The following PLXNA2 variants were observed in gnomAD, a reference collection of about 807,000 sequenced individuals.
PLXNA2 encodes the protein plexin-A2.
Under a neutral mutation model 193.5 loss-of-function variants are expected in PLXNA2, and 91 were observed. That is an observed-to-expected ratio of 0.47 (90% CI 0.40 to 0.56). The LOEUF (loss-of-function observed/expected upper bound fraction) is 0.56, where lower values mean the gene tolerates loss of function less well. Among genes scored for constraint, PLXNA2 ranks in the 20% least tolerant of loss-of-function variants. PLXNA2 has a pLI of 0.00. For synonymous variants in PLXNA2, 997 were observed against 1,027.3 expected, an observed-to-expected ratio of 0.97 and a Z score of 0.56; for missense variants, 1,995 against 2,503.2, an observed-to-expected ratio of 0.80 and a Z score of 4.33.
At chr1:208,085,020 G>A (rs1346659579) in intron 9 of PLXNA2, among the ~76,000 whole-genome samples, 2 of 151,306 alleles carry the variant, frequency 1.3e-5, no homozygotes, top group Admixed American at 6.6e-5. Flanking sequence ...TCCCAGCCCC[G>A]ACTGAGCTAG....
At position 208,044,776 on chromosome 1, in the gene PLXNA2, G is replaced by T. The variant is rs776615176; in HGVS notation, c.3640-34C>A. The T allele has an allele frequency of 6.5e-7, 1 of 1,530,490 alleles. No homozygotes were observed. The highest frequency in any genetic ancestry group is 9.0e-7 in the Non-Finnish European group (1 of 1,110,776). The allele number at this position is 1,530,490 out of a possible 1,614,324, so 94.8% of individuals were successfully genotyped here. A position where few individuals can be genotyped will look rare whatever the true frequency, so the allele number is the denominator to read the frequency against. On this transcript the variant is annotated intron_variant, in intron 19 of 31. Coordinates refer to ENST00000367033, the MANE Select transcript of PLXNA2 (RefSeq NM_025179.4). The surrounding 1 kb of genome is among the most constrained non-coding windows in gnomAD (Gnocchi z 4.9). Reference sequence around the variant, plus strand: ...TGTACACATACAGACGCACATGGATGCACACAGGTGTAGAGCCCGGGCATG... The same window carrying T: ...TGTACACATACAGACGCACATGGATTCACACAGGTGTAGAGCCCGGGCATG...
intron 3 of PLXNA2, among the ~76,000 whole-genome samples, chr1:208,158,142 C>G (rs150405481): frequency 3.0e-3 from 452 of 152,248 alleles, no homozygotes; most frequent in African/African-American, 0.01. Flanking sequence ...CTCTTCTTCC[C>G]CGTTGAAAGA....
chr1:208,189,522 A>T (rs1670110330), intron 3 of PLXNA2, among the ~76,000 whole-genome samples: 1 of 151,286 alleles, frequency 6.6e-6, no homozygotes, highest in Non-Finnish European at 1.5e-5. Context: ...AAAAAAAAAA[A>T]GCGAACCTGG....
At chr1:208,098,448 T>TCACA (rs1666979273) in intron 6 of PLXNA2, among the ~76,000 whole-genome samples, 1 of 119,978 alleles carries the variant, frequency 8.3e-6, no homozygotes, top group Non-Finnish European at 1.8e-5. Context: ...TCTCTCTCTC[T>TCACA]CTCTCTCTCT....
At chr1:208,072,595 G>A (rs896617495) in intron 12 of PLXNA2, among the ~76,000 whole-genome samples, 54 of 152,260 alleles carry the variant, frequency 3.5e-4, no homozygotes, top group Non-Finnish European at 7.4e-5. Flanking sequence ...TAGCTTAATG[G>A]CCATCTCATT....
intron 3 of PLXNA2, among the ~76,000 whole-genome samples, chr1:208,162,728 G>C (rs1164879664): frequency 6.6e-6 from 1 of 152,172 alleles, no homozygotes; most frequent in Non-Finnish European, 1.5e-5. Context: ...GGTAGGTCCT[G>C]TTATTATCTC....
At chr1:208,207,954 G>A (rs978415096) in intron 3 of PLXNA2, among the ~76,000 whole-genome samples, 3 of 152,228 alleles carry the variant, frequency 2.0e-5, no homozygotes, top group East Asian at 1.9e-4. Flanking sequence ...GGGTAACCAC[G>A]CCCCCAGCTT....
rs115729248 is a variant in PLXNA2 at position 208,177,104 on chromosome 1, C to T, written c.1371+33176G>A. On this transcript the variant is annotated intron_variant, in intron 3 of 31. Coordinates refer to ENST00000367033, the MANE Select transcript of PLXNA2 (RefSeq NM_025179.4). ...CCTATTCATTCTGCCTGCTTTAGGGCCTCAGCACTGGATACATATTTCTGT... is the reference window on the plus strand; with the variant it reads ...CCTATTCATTCTGCCTGCTTTAGGGTCTCAGCACTGGATACATATTTCTGT... Among the ~76,000 whole-genome samples, 905 of 152,224 alleles carry T rather than the reference C, an allele frequency of 5.9e-3. 12 individuals carry two copies. Among genetic ancestry groups the T allele is most frequent in the African/African-American group, 0.02 (840 of 41,520 alleles).
rs141134661 is a variant in PLXNA2, at chr1:208,132,934, G to A, written c.1506+9395C>T. Among the ~76,000 whole-genome samples the A allele has an allele frequency of 2.8e-3, 424 of 152,304 alleles. 3 individuals are homozygous for A. Among genetic ancestry groups the A allele is most frequent in the African/African-American group, 9.7e-3 (405 of 41,568 alleles). On this transcript the variant is annotated intron_variant, in intron 4 of 31. Transcript: ENST00000367033. ...AGGTCACATGGCAGTAAGCAGTAGA[G>A]CCAGGGCTTGAACCCAGGCTGGCTG...
intron 3 of PLXNA2, among the ~76,000 whole-genome samples, chr1:208,147,402 CTG>C (rs1459133292): frequency 6.6e-6 from 1 of 150,832 alleles, no homozygotes; most frequent in East Asian, 2.0e-4. Context: ...CTATAGGAGA[CTG>C]TAATCTCCTT....
chr1:208,130,282 T>C (rs940061485), intron 4 of PLXNA2, among the ~76,000 whole-genome samples: 5 of 152,194 alleles, frequency 3.3e-5, no homozygotes, highest in Admixed American at 6.5e-5. Context: ...AGCTGGGCTC[T>C]AAAAACAGTG....
chr1:208,092,627 T>C (rs919526626), intron 9 of PLXNA2, among the ~76,000 whole-genome samples, 159 bp downstream of exon 9: 4 of 152,162 alleles, frequency 2.6e-5, no homozygotes, highest in African/African-American at 7.2e-5. Context: ...TTTTTGAGCT[T>C]TATAATAACA....
chr1:208,098,152 T>G (rs566488141), intron 6 of PLXNA2, among the ~76,000 whole-genome samples: 1 of 152,274 alleles, frequency 6.6e-6, no homozygotes, highest in Non-Finnish European at 1.5e-5. Flanking sequence ...GCCAAGAGAC[T>G]TAGGTACAAA....
At chr1:208,185,940 C>G (rs1351165724) in intron 3 of PLXNA2, among the ~76,000 whole-genome samples, 2 of 152,078 alleles carry the variant, frequency 1.3e-5, no homozygotes, top group Non-Finnish European at 2.9e-5. Flanking sequence ...TCTATCAAGA[C>G]TTAGCAACCA....
intron 3 of PLXNA2, among the ~76,000 whole-genome samples, chr1:208,157,618 GA>G (rs1668976041): frequency 6.6e-6 from 1 of 152,156 alleles, no homozygotes; most frequent in South Asian, 2.1e-4. Flanking sequence ...ACTCAAAATG[GA>G]AAGCCAGTGG....
intron 2 of PLXNA2, among the ~76,000 whole-genome samples, chr1:208,213,733 T>C (rs1456784341): frequency 6.6e-6 from 1 of 152,236 alleles, no homozygotes; most frequent in Non-Finnish European, 1.5e-5. Context: ...TCTGGGTCCC[T>C]GGGTCTTAGT....
At chr1:208,072,908 T>C (rs1227425681) in intron 12 of PLXNA2, among the ~76,000 whole-genome samples, 1 of 152,074 alleles carries the variant, frequency 6.6e-6, no homozygotes, top group Non-Finnish European at 1.5e-5. Flanking sequence ...CGCAGAGACA[T>C]TTTAGGTACT....
intron 15 of PLXNA2, among the ~76,000 whole-genome samples, chr1:208,052,083 A>C (rs990365042): frequency 2.0e-5 from 3 of 152,214 alleles, no homozygotes; most frequent in Admixed American, 2.0e-4. Context: ...AGCCTCCTCC[A>C]TCTGGTGTTC....
Position 208,044,390 on chromosome 1 carries a change from A to T in PLXNA2, c.3874+118T>A. ...TCTGGGAAAACAGGGGTGAAAGTGG[A>T]ATGCAGAGGCATGGCTGGCAGCGAT... On this transcript the variant is annotated intron_variant, in intron 20 of 31. Coordinates refer to ENST00000367033, the MANE Select transcript of PLXNA2 (RefSeq NM_025179.4). This position sits in a 1 kb window ranked among gnomAD's most constrained non-coding sequence, Gnocchi z 4.9. 1 of 717,450 alleles carries T rather than the reference A, an allele frequency of 1.4e-6. No homozygotes were observed. The allele number at this position is 717,450 out of a possible 1,614,324, so 44.4% of individuals were successfully genotyped here. A position where few individuals can be genotyped will look rare whatever the true frequency, so the allele number is the denominator to read the frequency against.
Sources: gnomAD v4.1 joint callset for allele counts (sites outside exome capture counted in the v4.1 genomes callset) on GRCh38, gnomAD v4.1.1 for gene constraint, Gnocchi (gnomAD v3.1) non-coding constraint, MANE v1.5 for transcripts, NCBI Gene and HGNC (gene_info 2026-07-23, HGNC 2026-07-21) for gene names.